Variants in ARFGAP3 observed in about 807,000 individuals in gnomAD.
ARFGAP3 encodes the protein ADP-ribosylation factor GTPase-activating protein 3.
Under a neutral mutation model 75.0 loss-of-function variants are expected in ARFGAP3, and 72 were observed. The ratio of observed to expected loss-of-function variants is 0.96; its 90% CI spans 0.79 to 1.17. ARFGAP3 has a LOEUF of 1.17. Among genes scored for constraint, ARFGAP3 ranks in the 50% most tolerant of loss-of-function variants. The pLI, the probability that ARFGAP3 is intolerant of heterozygous loss-of-function variation, is 0.00. For synonymous variants in ARFGAP3, 221 were observed against 217.9 expected, an observed-to-expected ratio of 1.01 and a Z score of -0.13; for missense variants, 620 against 626.6, an observed-to-expected ratio of 0.99 and a Z score of 0.11.
chr22:42,807,345 T>A, intron 13 of ARFGAP3, 182 bp from the exon 14 acceptor site: 1 of 839,122 alleles, frequency 1.2e-6, no homozygotes, highest in Non-Finnish European at 1.4e-6. Context: ...ATGTTCTGCA[T>A]GGGAGGCAGG....
rs746912031 is a variant in ARFGAP3, at chr22:42,810,914, G to C, written c.1095C>G (p.Ser365Arg). ...TGTCATCCCAGCTAGAGAAAGAACTGCTCCTTAACTCCACTGGCTCGTCAA... is the reference window on the plus strand; with the variant it reads ...TGTCATCCCAGCTAGAGAAAGAACTCCTCCTTAACTCCACTGGCTCGTCAA... ...SYFDEPVELR[S>R]SSFSSWDDSS... is the part of the protein sequence containing the mutation. Residue 365 changes from serine to arginine, a missense_variant, in exon 12 of 16, where the codon AGC (serine) becomes AGG (arginine). Coordinates refer to ENST00000263245, the MANE Select transcript of ARFGAP3 (RefSeq NM_014570.5). 16 of 1,614,056 alleles carry C rather than the reference G, an allele frequency of 9.9e-6. No homozygotes were observed. The East Asian group carries it at 3.6e-4, about 36-fold the overall frequency.
intron 1 of ARFGAP3, 104 bp downstream of exon 1, chr22:42,857,010 C>T: frequency 8.1e-7 from 1 of 1,241,350 alleles, no homozygotes; most frequent in South Asian, 1.8e-5. Flanking sequence ...TGTCACAGGC[C>T]GCGCCGGCCC....
chr22:42,837,053 A>G (rs2146568236), intron 3 of ARFGAP3, among the ~76,000 whole-genome samples: 1 of 152,320 alleles, frequency 6.6e-6, no homozygotes, highest in East Asian at 1.9e-4. Flanking sequence ...TGGAGTTTGG[A>G]GGGTGACTCT....
chr22:42,835,311 T>A (rs376105596), intron 4 of ARFGAP3, 51 bp downstream of exon 4: 2 of 1,582,138 alleles, frequency 1.3e-6, no homozygotes, highest in African/African-American at 2.7e-5. Context: ...TCACTTTTTC[T>A]ATGAAGTGAA....
At chr22:42,838,792 G>A (rs1196185090) in intron 3 of ARFGAP3, among the ~76,000 whole-genome samples, 2 of 152,084 alleles carry the variant, frequency 1.3e-5, no homozygotes, top group Non-Finnish European at 2.9e-5. Context: ...TACTGAATTT[G>A]TAAATAAAGT....
chr22:42,808,974 C>T lies in ARFGAP3; in HGVS notation c.1197-84G>A, dbSNP rs974479427. On this transcript the variant is annotated intron_variant, in intron 12 of 15. Transcript: ENST00000263245. Reference sequence around the variant, plus strand: ...CATACTCATTTTATTTTTTAAAATGCCAACAGCAGTAAATTTTGTAAAAGG... The same window carrying T: ...CATACTCATTTTATTTTTTAAAATGTCAACAGCAGTAAATTTTGTAAAAGG... 51 of 1,335,578 alleles carry T rather than the reference C, an allele frequency of 3.8e-5. 2 individuals carry two copies. The highest frequency in any genetic ancestry group is 2.5e-5 in the South Asian group (1 of 39,890). 82.7% of individuals were successfully genotyped at this position (1,335,578 alleles called of 1,614,324 possible).
intron 1 of ARFGAP3, among the ~76,000 whole-genome samples, chr22:42,856,500 CAA>C (rs879768140): frequency 2.2e-5 from 3 of 136,156 alleles, no homozygotes. Context: ...CCTCTGGAGA[CAA>C]AAAAAAAAAG....
At chr22:42,850,210 C>T (rs1479826470) in intron 1 of ARFGAP3, among the ~76,000 whole-genome samples, 1 of 151,950 alleles carries the variant, frequency 6.6e-6, no homozygotes, top group African/African-American at 2.4e-5. Context: ...ACTCATTAAA[C>T]TCCGAATAGG....
At chr22:42,850,362 A>C (rs990273486) in intron 1 of ARFGAP3, among the ~76,000 whole-genome samples, 17 of 151,974 alleles carry the variant, frequency 1.1e-4, no homozygotes, top group African/African-American at 3.1e-4. Context: ...GCTTGAGCTC[A>C]AGAGTTTGAG....
chr22:42,824,796 T>C (rs956622153), intron 7 of ARFGAP3, among the ~76,000 whole-genome samples: 2 of 152,184 alleles, frequency 1.3e-5, no homozygotes, highest in East Asian at 1.9e-4. Flanking sequence ...ACCCAGACAG[T>C]GAGCACAGTA....
intron 5 of ARFGAP3, among the ~76,000 whole-genome samples, chr22:42,832,815 G>A (rs1322260792): frequency 6.6e-6 from 1 of 151,622 alleles, no homozygotes; most frequent in Non-Finnish European, 1.5e-5. Context: ...GCGAAACCCC[G>A]TCTCCACTAA....
chr22:42,835,347 C>A lies in ARFGAP3; in HGVS notation c.393+15G>T, dbSNP rs1926471418. 1 of 1,611,970 alleles carries A rather than the reference C, an allele frequency of 6.2e-7. No individual in the cohort carries two copies. The highest frequency in any genetic ancestry group is 1.3e-5 in the African/African-American group (1 of 74,782). On this transcript the variant is annotated intron_variant, in intron 4 of 15. Coordinates refer to ENST00000263245, the MANE Select transcript of ARFGAP3 (RefSeq NM_014570.5). ...CATGTATCTAAAGGAAACAATCCAG[C>A]CTCCAGTGACTTACATCAGTGCCAT...
chr22:42,840,956 T>G lies in ARFGAP3; in HGVS notation c.249A>C (p.Gly83=), dbSNP rs754639426. The G allele has an allele frequency of 1.9e-6, 3 of 1,614,166 alleles. No homozygotes were observed. The Admixed American group carries it at 5.0e-5, about 27-fold the overall frequency. Residue 83 remains glycine (G), a synonymous_variant, in exon 3 of 16, where the codon GGA becomes GGC. Transcript: ENST00000263245. ...GAGATGAACTTACTGCACTAGCGTT[T>G]CCTCCGACTTGCATGCATCGCAACT... is the stretch of plus-strand genomic sequence containing the variant. ...WFQLRCMQVG[G]NASASSFFHQ... is the part of the protein sequence containing the mutation.
Position 42,835,379 on chromosome 22 carries a change from G to C in ARFGAP3, c.376C>G (p.Arg126Gly). The part of the protein sequence containing the change: ...KIKSLASQAT[R>G]KHGTDLWLDS... The stretch of plus-strand genomic sequence containing the variant: ...TGACTTACATCAGTGCCATGCTTCC[G>C]TGTTGCTTGAGAGGCGAGCGATTTG... Residue 126 changes from arginine (R) to glycine (G), a missense_variant, in exon 4 of 16, where the codon CGG (arginine) becomes GGG (glycine). Arg to Gly is a moderately radical substitution (Grantham distance 125, BLOSUM62 -2). Coordinates refer to ENST00000263245, the MANE Select transcript of ARFGAP3 (RefSeq NM_014570.5). The C allele has an allele frequency of 1.2e-6, 2 of 1,613,972 alleles. No individual in the cohort carries two copies. Among genetic ancestry groups the C allele is most frequent in the East Asian group, 2.2e-5 (1 of 44,874 alleles).
At chr22:42,807,052 C>G (rs1348055525) in intron 14 of ARFGAP3, 21 bp downstream of exon 14, 1 of 1,594,620 alleles carries the variant, frequency 6.3e-7, no homozygotes, top group Non-Finnish European at 8.5e-7. Flanking sequence ...CAGAGACCAG[C>G]TCTTGTTCAG....
rs1041909124 is a variant in ARFGAP3 at position 42,817,792 on chromosome 22, T to G, written c.878A>C (p.Asn293Thr). Residue 293 changes from asparagine to threonine, a missense_variant, in exon 10 of 16, where the codon AAC (asparagine) becomes ACC (threonine). Transcript: ENST00000263245. Reference sequence around the variant, plus strand: ...GTCAACATTTTTTTTGCCACTAATGTTCATCTTTTCGTCTTTCTTCATTTG... The same window carrying G: ...GTCAACATTTTTTTTGCCACTAATGGTCATCTTTTCGTCTTTCTTCATTTG... ...EIQMKKDEKMNISGKKNVDSD... is the reference protein window; with the variant it reads ...EIQMKKDEKMTISGKKNVDSD... The G allele has an allele frequency of 5.6e-6, 9 of 1,613,494 alleles. No homozygotes were observed. In the African/African-American group the frequency reaches 1.2e-4, roughly 22 times the overall value.
chr22:42,835,451 T>C lies in ARFGAP3; in HGVS notation c.304A>G (p.Asn102Asp), dbSNP rs773022233. ...GCAGCACGACTGTTGTACTTGGCAT[T>C]GGTGTCATTGGTGGAACACCCATGT... ...HQHGCSTNDTNAKYNSRAAQL... is the reference protein window; with the variant it reads ...HQHGCSTNDTDAKYNSRAAQL... The change falls in exon 4 of 16, where the codon AAT becomes GAT. Residue 102 changes from asparagine to aspartate, a missense_variant. Physicochemically the swap from Asn to Asp is conservative, Grantham distance 23. Transcript: ENST00000263245. The C allele has an allele frequency of 1.7e-5, 27 of 1,613,996 alleles. No individual in the cohort carries two copies. The South Asian group carries it at 2.9e-4, about 17-fold the overall frequency.
At chr22:42,841,524 T>A (rs1235632447) in intron 2 of ARFGAP3, among the ~76,000 whole-genome samples, 1 of 152,142 alleles carries the variant, frequency 6.6e-6, no homozygotes, top group African/African-American at 2.4e-5. Flanking sequence ...TACAAGCACT[T>A]CCTGCCCCTT....
At chr22:42,806,015 CCT>C (rs1404282302) in intron 14 of ARFGAP3, among the ~76,000 whole-genome samples, 2 of 152,250 alleles carry the variant, frequency 1.3e-5, no homozygotes, top group African/African-American at 4.8e-5. Flanking sequence ...GACACTCAGA[CCT>C]CTCTCGAGCT....
Sources: gnomAD v4.1 joint callset for allele counts (sites outside exome capture counted in the v4.1 genomes callset) on GRCh38, gnomAD v4.1.1 for gene constraint, MANE v1.5 for transcripts, NCBI Gene and HGNC (gene_info 2026-07-23, HGNC 2026-07-21) for gene names.